Variants in CLVS1 observed in about 807,000 individuals in gnomAD.
CLVS1 encodes the protein clavesin 1.
Under a neutral mutation model 33.1 loss-of-function variants are expected in CLVS1, and 10 were observed. The ratio of observed to expected loss-of-function variants is 0.30; its 90% CI spans 0.19 to 0.51. The LOEUF is 0.51. CLVS1 is among the 20% of genes least tolerant of loss of function. The probability of loss-of-function intolerance (pLI) is 0.97; values close to 1 mark genes in which losing one functional copy is unlikely to be tolerated. For synonymous variants in CLVS1, 163 were observed against 166.1 expected, an observed-to-expected ratio of 0.98 and a Z score of 0.14; for missense variants, 343 against 433.4, an observed-to-expected ratio of 0.79 and a Z score of 1.85.
chr8:61,045,700 G>A, the CLVS1 span, among the ~76,000 whole-genome samples: 13 of 152,198 alleles, frequency 8.5e-5, no homozygotes, highest in Non-Finnish European at 1.9e-4. Flanking sequence ...ATGACTGACT[G>A]AGGAAATTCG....
At chr8:61,052,386 G>A (rs1167104193), upstream of CLVS1, among the ~76,000 whole-genome samples, 1 of 152,154 alleles carries the variant, frequency 6.6e-6, no homozygotes, top group Non-Finnish European at 1.5e-5. Flanking sequence ...AAACCATGAA[G>A]GGCGACAGGA....
At chr8:60,968,606 G>A in the CLVS1 span, among the ~76,000 whole-genome samples, 1 of 152,000 alleles carries the variant, frequency 6.6e-6, no homozygotes, top group Non-Finnish European at 1.5e-5. Context: ...TAGGAAAACT[G>A]GGGCTGGTAT....
At chr8:61,325,241 ATG>A (rs1811342607) in intron 2 of CLVS1, among the ~76,000 whole-genome samples, 1 of 151,992 alleles carries the variant, frequency 6.6e-6, no homozygotes, top group Admixed American at 6.6e-5. Context: ...CACAGTAACT[ATG>A]TGAGGATGTG....
intron 3 of CLVS1, among the ~76,000 whole-genome samples, chr8:61,415,045 A>C (rs1027986881): frequency 6.6e-6 from 1 of 152,266 alleles, no homozygotes; most frequent in Non-Finnish European, 1.5e-5. Flanking sequence ...CCAGTCCAAA[A>C]AACCGAGCGA....
At chr8:61,321,613 C>G (rs948334495) in intron 2 of CLVS1, among the ~76,000 whole-genome samples, 1 of 152,080 alleles carries the variant, frequency 6.6e-6, no homozygotes, top group Non-Finnish European at 1.5e-5. Context: ...GCTGATGACT[C>G]TCTTGTTACT....
chr8:61,121,149 G>A (rs1451781896), intron 1 of CLVS1, among the ~76,000 whole-genome samples: 12 of 152,032 alleles, frequency 7.9e-5, no homozygotes, highest in African/African-American at 2.4e-4. Context: ...GGTGCCGTCA[G>A]TCACCCCTTT....
chr8:61,128,187 C>T (rs1289297741), intron 1 of CLVS1, among the ~76,000 whole-genome samples: 2 of 152,118 alleles, frequency 1.3e-5, no homozygotes, highest in Non-Finnish European at 2.9e-5. Context: ...AAGCTATTTT[C>T]CAGTCATGAT....
chr8:61,385,633 G>T (rs1814051704), intron 3 of CLVS1, among the ~76,000 whole-genome samples: 1 of 152,248 alleles, frequency 6.6e-6, no homozygotes, highest in Non-Finnish European at 1.5e-5. Context: ...CAGAGTTGAA[G>T]TTGAAACAAT....
At chr8:61,219,390 C>T (rs1323083017) in intron 2 of CLVS1, among the ~76,000 whole-genome samples, 2 of 152,146 alleles carry the variant, frequency 1.3e-5, no homozygotes, top group South Asian at 2.1e-4. Context: ...TGAGTGAGAA[C>T]ATGTGGTGTT....
intron 1 of CLVS1, among the ~76,000 whole-genome samples, chr8:61,092,925 A>G (rs1476631947): frequency 6.6e-6 from 1 of 152,128 alleles, no homozygotes; most frequent in Non-Finnish European, 1.5e-5. Context: ...GGGCCACGGC[A>G]GGGATTATGG....
At chr8:61,470,770 G>C (rs1485043753) in intron 5 of CLVS1, among the ~76,000 whole-genome samples, 2 of 152,156 alleles carry the variant, frequency 1.3e-5, no homozygotes, top group Non-Finnish European at 2.9e-5. Flanking sequence ...GCATACCATG[G>C]TTGAATTTCT....
intron 5 of CLVS1, among the ~76,000 whole-genome samples, chr8:61,491,091 A>C (rs1454110160): frequency 6.6e-6 from 1 of 152,246 alleles, no homozygotes; most frequent in African/African-American, 2.4e-5. Context: ...GCTTTTCTAG[A>C]AGGAAGTTAA....
At chr8:61,163,993 C>G (rs1195124356) in intron 2 of CLVS1, among the ~76,000 whole-genome samples, 1 of 152,162 alleles carries the variant, frequency 6.6e-6, no homozygotes, top group Non-Finnish European at 1.5e-5. Flanking sequence ...GGAGGGGACC[C>G]AAAGGGGGTT....
At chr8:61,494,154 C>T (rs1398853797) in intron 5 of CLVS1, among the ~76,000 whole-genome samples, 2 of 152,052 alleles carry the variant, frequency 1.3e-5, no homozygotes, top group Non-Finnish European at 2.9e-5. Flanking sequence ...ATTTTCATCT[C>T]GTTCTTCATG....
chr8:61,353,728 A>T (rs1025338000), intron 2 of CLVS1, among the ~76,000 whole-genome samples: 1 of 150,096 alleles, frequency 6.7e-6, no homozygotes, highest in African/African-American at 2.5e-5. Flanking sequence ...GAATAAAAAA[A>T]AAAATAAAGA....
intron 2 of CLVS1, among the ~76,000 whole-genome samples, chr8:61,165,405 C>T (rs1563427704): frequency 1.3e-5 from 2 of 152,226 alleles, no homozygotes; most frequent in African/African-American, 4.8e-5. Context: ...CTTGCCAGCT[C>T]GAATGCCTGG....
intron 5 of CLVS1, among the ~76,000 whole-genome samples, chr8:61,483,198 G>A (rs1297762820): frequency 6.6e-6 from 1 of 152,014 alleles, no homozygotes; most frequent in Non-Finnish European, 1.5e-5. Flanking sequence ...CCACTAGCAA[G>A]ACTAATAAAG....
chr8:61,381,894 G>T (rs1813894457), intron 3 of CLVS1, among the ~76,000 whole-genome samples: 1 of 152,156 alleles, frequency 6.6e-6, no homozygotes, highest in Non-Finnish European at 1.5e-5. Context: ...GGGCTGTGAT[G>T]AACATATGCA....
chr8:61,460,484 A>C (rs748023123), intron 5 of CLVS1, among the ~76,000 whole-genome samples: 3 of 152,194 alleles, frequency 2.0e-5, no homozygotes, highest in Admixed American at 6.5e-5. Flanking sequence ...CTAAGATTAG[A>C]AAACAAAAAG....
Sources: gnomAD v4.1 joint callset for allele counts (sites outside exome capture counted in the v4.1 genomes callset) on GRCh38, gnomAD v4.1.1 for gene constraint, MANE v1.5 for transcripts, NCBI Gene and HGNC (gene_info 2026-07-23, HGNC 2026-07-21) for gene names.